The following CSPP1 variants were observed in gnomAD, a reference collection of about 807,000 sequenced individuals.
CSPP1 encodes the protein centrosome and spindle pole-associated protein 1.
CSPP1 carries 126 observed loss-of-function variants against 164.4 expected under a neutral mutation model. The ratio of observed to expected loss-of-function variants is 0.77; its 90% CI spans 0.66 to 0.89. The LOEUF is 0.89. Ranked by LOEUF, CSPP1 falls within the 40% of genes least tolerant of loss-of-function variation. The pLI, the probability that CSPP1 is intolerant of heterozygous loss-of-function variation, is 0.00. For synonymous variants in CSPP1, 472 were observed against 476.7 expected (o/e 0.99, Z 0.13); for missense variants, 1,395 against 1,449.8 (o/e 0.96, Z 0.61).
rs755596160 is a variant in CSPP1 at position 67,095,528 on chromosome 8, G to A, written c.719G>A (p.Gly240Asp). 6.2e-7 allele frequency: 1 copy of A among 1,613,618 alleles called. No homozygotes were observed. Among genetic ancestry groups the A allele is most frequent in the Admixed American group, 1.7e-5 (1 of 59,942 alleles). The change falls in exon 7 of 31, where the codon GGC (glycine) becomes GAC (aspartate). Residue 240 changes from glycine (G) to aspartate (D), a missense_variant. By Grantham distance (94) the Gly-to-Asp change is moderately conservative. Coordinates refer to ENST00000678616, the MANE Select transcript of CSPP1 (RefSeq NM_001382391.1). ...ATTAAAAAAGCAAATGAAGAAGTGGGCATTTCCAACCTAAAACATCAAAGG... is the reference window on the plus strand; with the variant it reads ...ATTAAAAAAGCAAATGAAGAAGTGGACATTTCCAACCTAAAACATCAAAGG... Reference protein sequence around the residue: ...RIIKKANEEVGISNLKHQRFA... With the variant: ...RIIKKANEEVDISNLKHQRFA...
At chr8:67,089,958 T>C (rs1811288772) in intron 4 of CSPP1, among the ~76,000 whole-genome samples, 1 of 151,952 alleles carries the variant, frequency 6.6e-6, no homozygotes, top group African/African-American at 2.4e-5. Flanking sequence ...CCTGCCTATG[T>C]TGTTGTTATT....
intron 26 of CSPP1, among the ~76,000 whole-genome samples, chr8:67,175,865 G>A (rs1406577003): frequency 6.6e-6 from 1 of 152,228 alleles, no homozygotes; most frequent in Non-Finnish European, 1.5e-5. Context: ...AATCTGTAAA[G>A]CATCAGACTG....
intron 29 of CSPP1, 51 bp downstream of exon 29, chr8:67,190,810 T>A: frequency 3.8e-6 from 5 of 1,328,064 alleles, no homozygotes; most frequent in Non-Finnish European, 4.3e-6. Context: ...ATGAGAGGTC[T>A]GGGTTCTGAC....
chr8:67,072,009 G>A (rs750947310), intron 1 of CSPP1, among the ~76,000 whole-genome samples: 2 of 152,140 alleles, frequency 1.3e-5, no homozygotes, highest in Non-Finnish European at 2.9e-5. Context: ...TTAGCTGGGC[G>A]TGGTGGCTCA....
Position 67,111,997 on chromosome 8 carries a change from G to GA in CSPP1, c.1120dup (p.Arg374LysfsTer16). Reference sequence around the variant, plus strand: ...GAGGTGAAGATCGAGAACTTATTCAGAGAAGGAAAGAGAAATACAGACTAG... The same window carrying GA: ...GAGGTGAAGATCGAGAACTTATTCAGAAGAAGGAAAGAGAAATACAGACTAG... On this transcript the variant is annotated frameshift_variant, in exon 10 of 31. Coordinates refer to ENST00000678616, the MANE Select transcript of CSPP1 (RefSeq NM_001382391.1). LOFTEE classifies it high-confidence loss of function. 6.2e-7 allele frequency: 1 copy of GA among 1,610,662 alleles called. No homozygotes were observed. Among genetic ancestry groups the GA allele is most frequent in the Non-Finnish European group, 8.5e-7 (1 of 1,178,124 alleles).
At chr8:67,145,845 C>T (rs1005945320) in intron 17 of CSPP1, among the ~76,000 whole-genome samples, 1 of 151,808 alleles carries the variant, frequency 6.6e-6, no homozygotes, top group Non-Finnish European at 1.5e-5. Context: ...TTTTTAATGT[C>T]GATGCTTAGA....
intron 17 of CSPP1, among the ~76,000 whole-genome samples, chr8:67,149,046 T>C (rs1316854934): frequency 6.6e-6 from 1 of 152,166 alleles, no homozygotes; most frequent in Non-Finnish European, 1.5e-5. Context: ...ACCATGGCAG[T>C]AGTCATCTGA....
At chr8:67,177,591 A>AG (rs1322791891) in intron 26 of CSPP1, 89 bp from the exon 27 acceptor site, 2 of 785,792 alleles carry the variant, frequency 2.5e-6, no homozygotes, top group Non-Finnish European at 4.3e-6. Context: ...TCCAGTAGAG[A>AG]GCTAGTCAAA....
In CSPP1 at chr8:67,172,509, T is replaced by C; in HGVS notation, c.2922T>C (p.Ala974=). The C allele has an allele frequency of 6.2e-7, 1 of 1,613,794 alleles. No homozygotes were observed. The highest frequency in any genetic ancestry group is 8.5e-7 in the Non-Finnish European group (1 of 1,179,756). ...VRRQSPKGLD[A]ATFQNVHDFN... ...GACAGTCCCCTAAGGGCTTAGACGC[T>C]GCCACTTTTCAGAATGTTCATGATT... Residue 974 remains alanine, a synonymous_variant, in exon 25 of 31, where the codon GCT becomes GCC. Coordinates refer to ENST00000678616, the MANE Select transcript of CSPP1 (RefSeq NM_001382391.1).
chr8:67,064,750 A>T (rs980004050), intron 1 of CSPP1: 2 of 227,694 alleles, frequency 8.8e-6, no homozygotes, highest in East Asian at 1.5e-4. Flanking sequence ...GCGGTGGGGG[A>T]GGTGCCCGAG....
At chr8:67,075,328 G>T (rs1429911473) in intron 2 of CSPP1, among the ~76,000 whole-genome samples, 1 of 151,604 alleles carries the variant, frequency 6.6e-6, no homozygotes, top group African/African-American at 2.4e-5. Flanking sequence ...ATATATATTG[G>T]TTTGTTCAAG....
rs1031047518 is a variant in CSPP1 at position 67,165,928 on chromosome 8, TC to T, written c.2828+1422del. Reference sequence around the variant, plus strand: ...ACCTATATACAGTTTTTAGAATTCTTCCATAAGAAAGACTTGTGTCTTCTTC... The same window carrying T: ...ACCTATATACAGTTTTTAGAATTCTTCATAAGAAAGACTTGTGTCTTCTTC... On this transcript the variant is annotated intron_variant, in intron 24 of 30. Transcript: ENST00000678616. Among the ~76,000 whole-genome samples the T allele has an allele frequency of 2.0e-5, 3 of 152,344 alleles. No homozygotes were observed. In the East Asian group the frequency reaches 5.8e-4, roughly 29 times the overall value.
intron 17 of CSPP1, among the ~76,000 whole-genome samples, chr8:67,148,825 T>C (rs1825126911): frequency 6.6e-6 from 1 of 152,240 alleles, no homozygotes; most frequent in African/African-American, 2.4e-5. Context: ...AGTTCTGTTT[T>C]TGAGATTGGT....
chr8:67,066,532 A>G (rs1311821483), intron 1 of CSPP1, among the ~76,000 whole-genome samples: 2 of 151,580 alleles, frequency 1.3e-5, no homozygotes, highest in South Asian at 2.1e-4. Context: ...CCACAGCCTT[A>G]ATGATTATTT....
rs1411232208 is a variant in CSPP1 at position 67,083,488 on chromosome 8, C to T, written c.200-2519C>T. Among the ~76,000 whole-genome samples the T allele has an allele frequency of 8.0e-5, 11 of 137,276 alleles. No individual in the cohort carries two copies. In the East Asian group the frequency reaches 8.5e-4, roughly 11 times the overall value. 90.1% of individuals were successfully genotyped at this position (137,276 alleles called of 152,430 possible). A position where few individuals can be genotyped will look rare whatever the true frequency, so the allele number is the denominator to read the frequency against. On this transcript the variant is annotated intron_variant, in intron 3 of 30. Coordinates refer to ENST00000678616, the MANE Select transcript of CSPP1 (RefSeq NM_001382391.1). ...TGGAGGTTGCAGTGAGCCAAGATTG[C>T]GCCACTGCACTCCAGCCTGGGCAAC... is the stretch of plus-strand genomic sequence containing the variant.
intron 8 of CSPP1, among the ~76,000 whole-genome samples, chr8:67,105,584 A>G (rs1052131659): frequency 2.0e-5 from 3 of 151,840 alleles, no homozygotes; most frequent in Non-Finnish European, 4.4e-5. Flanking sequence ...GGGTTTCACC[A>G]TATTGGCCAG....
intron 16 of CSPP1, chr8:67,136,037 T>G (rs1822187820): frequency 6.6e-6 from 1 of 152,192 alleles, no homozygotes; most frequent in South Asian, 2.1e-4. Flanking sequence ...ATTTATCCAT[T>G]AAATTTGCCA....
intron 29 of CSPP1, among the ~76,000 whole-genome samples, chr8:67,191,059 C>T (rs1469658327): frequency 6.6e-6 from 1 of 152,218 alleles, no homozygotes; most frequent in Non-Finnish European, 1.5e-5. Flanking sequence ...CAAGAAGGAA[C>T]TGATGTCATT....
In CSPP1 at chr8:67,195,622, C is replaced by T. The variant is rs1837786727; in HGVS notation, c.*29C>T. On this transcript the variant is annotated 3_prime_UTR_variant, in exon 31 of 31. Coordinates refer to ENST00000678616, the MANE Select transcript of CSPP1 (RefSeq NM_001382391.1). ...AAACCTGTACTGGACCCAGTAGTGC[C>T]TTTTAAGGTGAAAGGAATGGTAAAT... The T allele has an allele frequency of 3.2e-6, 5 of 1,586,380 alleles. No homozygotes were observed. Among genetic ancestry groups the T allele is most frequent in the Admixed American group, 1.7e-5 (1 of 59,350 alleles).
Sources: allele counts gnomAD v4.1 joint callset (sites outside exome capture counted in the v4.1 genomes callset), GRCh38; gene constraint gnomAD v4.1.1; transcripts MANE v1.5; gene names NCBI Gene and HGNC (gene_info 2026-07-23, HGNC 2026-07-21).